ZFYVE9: variants seen among roughly 807,000 people sequenced by gnomAD.
ZFYVE9 encodes the protein zinc finger FYVE domain-containing protein 9.
ZFYVE9 carries 43 observed loss-of-function variants against 126.7 expected under a neutral mutation model. The observed-to-expected ratio is 0.34, with a 90% confidence interval of 0.27 to 0.44. The LOEUF (loss-of-function observed/expected upper bound fraction) is 0.44. Ranked by LOEUF, ZFYVE9 falls within the 20% of genes least tolerant of loss-of-function variation. ZFYVE9 has a pLI of 1.00. For missense variants in ZFYVE9, 1,476 were observed against 1,697.0 expected (o/e 0.87, Z 2.29); for synonymous variants, 521 against 597.4 (o/e 0.87, Z 1.87).
chr1:52,271,798 G>A (rs1645695227), intron 7 of ZFYVE9, among the ~76,000 whole-genome samples: 1 of 152,152 alleles, frequency 6.6e-6, no homozygotes, highest in Non-Finnish European at 1.5e-5. Context: ...GTCCTAAGTA[G>A]AGACAGAAGT....
intron 6 of ZFYVE9, 117 bp downstream of exon 6, chr1:52,266,948 G>T: frequency 1.0e-6 from 1 of 977,398 alleles, no homozygotes; most frequent in Non-Finnish European, 1.4e-6. Flanking sequence ...TCTTTGGGTG[G>T]TTATTAAAAT....
chr1:52,316,758 A>G (rs937310727), intron 13 of ZFYVE9, among the ~76,000 whole-genome samples: 10 of 152,240 alleles, frequency 6.6e-5, no homozygotes, highest in South Asian at 4.1e-4. Context: ...GGAGATTTCA[A>G]TAACCCTGTG....
intron 1 of ZFYVE9, chr1:52,160,565 A>T (rs1391685742): frequency 1.3e-6 from 1 of 751,618 alleles, no homozygotes; most frequent in Admixed American, 1.8e-5. Context: ...TGCTCTCATG[A>T]CCTTCACATT....
At chr1:52,259,708 A>G (rs924472989) in intron 4 of ZFYVE9, among the ~76,000 whole-genome samples, 1 of 152,032 alleles carries the variant, frequency 6.6e-6, no homozygotes, top group African/African-American at 2.4e-5. Flanking sequence ...GAAGCACCAG[A>G]ATCGCTTGAA....
intron 10 of ZFYVE9, among the ~76,000 whole-genome samples, chr1:52,292,754 C>G (rs1465346182): frequency 6.6e-6 from 1 of 151,976 alleles, no homozygotes; most frequent in East Asian, 1.9e-4. Flanking sequence ...CAGGTGTGAG[C>G]CACCGCACCC....
chr1:52,162,510 T>A, intron 1 of ZFYVE9: 1 of 258,794 alleles, frequency 3.9e-6, no homozygotes. Flanking sequence ...CTCCTTTGAG[T>A]CATCTATTCC....
At chr1:52,247,234 G>T (rs985031248) in intron 4 of ZFYVE9, among the ~76,000 whole-genome samples, 2 of 152,174 alleles carry the variant, frequency 1.3e-5, no homozygotes, top group Non-Finnish European at 2.9e-5. Context: ...TAACTTAGGT[G>T]CAAAGTGGGA....
chr1:52,176,507 C>T (rs1054346281), intron 1 of ZFYVE9, among the ~76,000 whole-genome samples: 2 of 152,220 alleles, frequency 1.3e-5, no homozygotes, highest in Non-Finnish European at 2.9e-5. Context: ...GGGAGAACCA[C>T]TGCTCTCTTC....
intron 4 of ZFYVE9, chr1:52,253,765 A>C (rs1051122982): frequency 2.5e-6 from 4 of 1,607,646 alleles, no homozygotes; most frequent in African/African-American, 2.7e-5. Flanking sequence ...ACGAGATGAC[A>C]ATCTAGAAAC....
intron 15 of ZFYVE9, among the ~76,000 whole-genome samples, chr1:52,335,705 C>T (rs940441006): frequency 2.0e-5 from 3 of 152,138 alleles, no homozygotes; most frequent in Non-Finnish European, 4.4e-5. Flanking sequence ...TTCACTTCTA[C>T]ATGGGAGAAT....
intron 4 of ZFYVE9, among the ~76,000 whole-genome samples, chr1:52,256,518 C>T (rs144018944): frequency 6.6e-6 from 1 of 152,266 alleles, no homozygotes; most frequent in East Asian, 1.9e-4. Context: ...GCTGGGATTA[C>T]AGGCATGTGC....
chr1:52,180,647 T>A (rs1644689837), intron 1 of ZFYVE9: 1 of 461,504 alleles, frequency 2.2e-6, no homozygotes. Context: ...TTTAGTTTTG[T>A]ACAAATTATG....
chr1:52,340,926 A>C (rs1263522457), intron 17 of ZFYVE9, among the ~76,000 whole-genome samples: 4 of 146,322 alleles, frequency 2.7e-5, no homozygotes, highest in African/African-American at 8.2e-5. Flanking sequence ...AAAAAAAAAA[A>C]AAAAAAACTA....
chr1:52,291,513 C>T (rs1339402707), intron 10 of ZFYVE9, among the ~76,000 whole-genome samples: 1 of 152,112 alleles, frequency 6.6e-6, no homozygotes, highest in Non-Finnish European at 1.5e-5. Context: ...GAAAATGTCT[C>T]CTTAATGAAG....
At chr1:52,261,904 T>C (rs908892267) in intron 4 of ZFYVE9, among the ~76,000 whole-genome samples, 2 of 152,194 alleles carry the variant, frequency 1.3e-5, no homozygotes, top group African/African-American at 2.4e-5. Context: ...AAATGAAATA[T>C]GTAATTTAGT....
At chr1:52,195,182 TTTC>T (rs1361329717) in intron 1 of ZFYVE9, among the ~76,000 whole-genome samples, 1 of 152,204 alleles carries the variant, frequency 6.6e-6, no homozygotes, top group Non-Finnish European at 1.5e-5. Flanking sequence ...CTCTTTCTCT[TTTC>T]TTTGCAAAAC....
At chr1:52,305,733 A>G (rs1454728248) in intron 13 of ZFYVE9, among the ~76,000 whole-genome samples, 3 of 152,046 alleles carry the variant, frequency 2.0e-5, no homozygotes, top group Non-Finnish European at 4.4e-5. Context: ...AGCTGTAGCT[A>G]CCCGAGTTGT....
At chr1:52,258,589 G>A (rs645630) in intron 4 of ZFYVE9, among the ~76,000 whole-genome samples, 1,734 of 152,150 alleles carry the variant, frequency 0.011, 25 homozygotes, top group African/African-American at 0.04. Context: ...ATCTTTTTAG[G>A]CAAAATTGAC....
At chr1:52,339,089 T>G (rs556950696) in intron 16 of ZFYVE9, among the ~76,000 whole-genome samples, 1 of 152,328 alleles carries the variant, frequency 6.6e-6, no homozygotes, top group African/African-American at 2.4e-5. Flanking sequence ...GTGTGCCAAT[T>G]ATTTTGAATC....
Sources: gnomAD v4.1 joint callset for allele counts (sites outside exome capture counted in the v4.1 genomes callset) on GRCh38, gnomAD v4.1.1 for gene constraint, MANE v1.5 for transcripts, NCBI Gene and HGNC (gene_info 2026-07-23, HGNC 2026-07-21) for gene names.